ZFHX4: variants seen among roughly 807,000 people sequenced by gnomAD.
ZFHX4 encodes zinc finger homeobox protein 4.
In ZFHX4, 56 loss-of-function variants were observed where a neutral mutation model predicts 267.6. The observed-to-expected ratio is 0.21, with a 90% confidence interval of 0.17 to 0.26. The LOEUF (loss-of-function observed/expected upper bound fraction) is 0.26, where lower values mean the gene tolerates loss of function less well. Among genes scored for constraint, ZFHX4 ranks in the 10% least tolerant of loss-of-function variants. ZFHX4 has a pLI of 1.00. For missense variants in ZFHX4, 4,332 were observed against 4,420.0 expected (o/e 0.98, Z 0.56); for synonymous variants, 1,778 against 1,665.6 (o/e 1.07, Z -1.64).
Position 76,863,813 on chromosome 8 carries a change from A to G in ZFHX4, c.10099A>G (p.Lys3367Glu). 6.4e-7 allele frequency: 1 copy of G among 1,552,446 alleles called. No individual in the cohort carries two copies. Among genetic ancestry groups the G allele is most frequent in the Non-Finnish European group, 8.7e-7 (1 of 1,147,300 alleles). The change falls in exon 11 of 11, where the codon AAG becomes GAG. Residue 3367 changes from lysine to glutamate, a missense_variant. Lys to Glu is a moderately conservative substitution (Grantham distance 56). Coordinates refer to ENST00000651372, the MANE Select transcript of ZFHX4 (RefSeq NM_024721.5). ...PQNSNDASET[K>E]EDKSTATEST... ...AAACTCCAACGATGCTTCAGAAACA[A>G]AGGAAGACAAAAGTACTGCTACAGA...
At chr8:76,701,126 C>A (rs1808092067) in intron 1 of ZFHX4, among the ~76,000 whole-genome samples, 1 of 152,030 alleles carries the variant, frequency 6.6e-6, no homozygotes, top group Non-Finnish European at 1.5e-5. Context: ...ATCTAAATAA[C>A]TTTTTATCTA....
At chr8:76,844,730 G>A (rs1283408968) in intron 6 of ZFHX4, among the ~76,000 whole-genome samples, 2 of 152,008 alleles carry the variant, frequency 1.3e-5, no homozygotes, top group African/African-American at 2.4e-5. Context: ...GCCTTCCTGG[G>A]TTTTTCTGTA....
At chr8:76,697,328 C>T (rs79807346) in intron 1 of ZFHX4, among the ~76,000 whole-genome samples, 7,296 of 151,734 alleles carry the variant, frequency 0.048, 554 homozygotes, top group African/African-American at 0.16. Flanking sequence ...TTTACTAGTT[C>T]GGTATATCTA....
In ZFHX4 at chr8:76,865,379, A is replaced by T. The variant is rs1813000559; in HGVS notation, c.*814A>T. The T allele has an allele frequency of 6.6e-6, 1 of 152,562 alleles. No individual in the cohort carries two copies. Among genetic ancestry groups the T allele is most frequent in the Non-Finnish European group, 1.5e-5 (1 of 68,016 alleles). The allele number at this position is 152,562 out of a possible 1,614,324, so 9.5% of individuals were successfully genotyped here. ...ATTCTAGTTTTGATAGACTCTGAGGATTATGTGAACAGGACATTTTTCATT... is the reference window on the plus strand; with the variant it reads ...ATTCTAGTTTTGATAGACTCTGAGGTTTATGTGAACAGGACATTTTTCATT... On this transcript the variant is annotated 3_prime_UTR_variant, in exon 11 of 11. Transcript: ENST00000651372.
chr8:76,797,294 C>A (rs1811003911), intron 4 of ZFHX4, among the ~76,000 whole-genome samples: 1 of 152,150 alleles, frequency 6.6e-6, no homozygotes, highest in Non-Finnish European at 1.5e-5. Context: ...ATATTATTGA[C>A]CTTGCTGATA....
intron 4 of ZFHX4, among the ~76,000 whole-genome samples, chr8:76,829,003 C>G (rs1433441220): frequency 2.0e-5 from 3 of 152,058 alleles, no homozygotes; most frequent in Non-Finnish European, 4.4e-5. Context: ...GGAGGTTTTG[C>G]AGGCAAATAG....
chr8:76,726,948 GCT>G (rs1299110436), intron 3 of ZFHX4, among the ~76,000 whole-genome samples: 2 of 152,094 alleles, frequency 1.3e-5, no homozygotes, highest in Admixed American at 1.3e-4. Context: ...CTTAATTCCC[GCT>G]CAGGTCCAGA....
At chr8:76,738,655 C>T (rs1017636417) in intron 3 of ZFHX4, among the ~76,000 whole-genome samples, 5 of 134,912 alleles carry the variant, frequency 3.7e-5, no homozygotes, top group South Asian at 2.6e-4. Context: ...TCCTTCTTTC[C>T]TTCCTCCCTC....
chr8:76,758,899 CCA>C (rs1346421062), intron 3 of ZFHX4, among the ~76,000 whole-genome samples: 1 of 152,010 alleles, frequency 6.6e-6, no homozygotes, highest in African/African-American at 2.4e-5. Context: ...ACTGTTTTCC[CCA>C]GTCTTGAGGC....
intron 4 of ZFHX4, 136 bp from the exon 5 acceptor site, chr8:76,833,202 G>A: frequency 1.6e-6 from 1 of 636,972 alleles, no homozygotes; most frequent in Non-Finnish European, 2.8e-6. Flanking sequence ...GATATAATGT[G>A]TGCTGGAGAC....
intron 3 of ZFHX4, among the ~76,000 whole-genome samples, chr8:76,769,005 G>A (rs1019885435): frequency 1.3e-5 from 2 of 152,146 alleles, no homozygotes; most frequent in Non-Finnish European, 2.9e-5. Flanking sequence ...GGCTGAGGCA[G>A]GAGGATTGCT....
At chr8:76,724,342 G>A (rs73690869) in intron 3 of ZFHX4, among the ~76,000 whole-genome samples, 2,105 of 151,964 alleles carry the variant, frequency 0.014, 46 homozygotes, top group African/African-American at 0.048. Context: ...AAACTGTGTC[G>A]CCTGCTCTTC....
chr8:76,825,928 C>A (rs1811773150), intron 4 of ZFHX4, among the ~76,000 whole-genome samples: 1 of 152,070 alleles, frequency 6.6e-6, no homozygotes, highest in Admixed American at 6.6e-5. Context: ...TATCACTGAG[C>A]CAAAGAAATG....
At chr8:76,782,198 C>T (rs779854547) in intron 4 of ZFHX4, 1 of 436,196 alleles carries the variant, frequency 2.3e-6, no homozygotes, top group African/African-American at 2.1e-5. Context: ...CAGAGCCCAA[C>T]AGGCTCATCA....
At chr8:76,735,959 C>A (rs192466083) in intron 3 of ZFHX4, among the ~76,000 whole-genome samples, 117 of 151,862 alleles carry the variant, frequency 7.7e-4, no homozygotes, top group African/African-American at 2.8e-3. Flanking sequence ...ACTTTAAGAG[C>A]GGAATATAAT....
intron 3 of ZFHX4, among the ~76,000 whole-genome samples, chr8:76,717,783 A>C (rs1808616734): frequency 6.6e-6 from 1 of 151,708 alleles, no homozygotes; most frequent in Non-Finnish European, 1.5e-5. Flanking sequence ...TTTTTTGAGA[A>C]ACGAGGTTTC....
At chr8:76,724,570 C>A (rs560428705) in intron 3 of ZFHX4, among the ~76,000 whole-genome samples, 1 of 152,196 alleles carries the variant, frequency 6.6e-6, no homozygotes, top group African/African-American at 2.4e-5. Flanking sequence ...AAGAGCCATT[C>A]TTTTGTTGAA....
At chr8:76,815,453 C>T (rs1439383049) in intron 4 of ZFHX4, among the ~76,000 whole-genome samples, 3 of 152,060 alleles carry the variant, frequency 2.0e-5, no homozygotes, top group South Asian at 2.1e-4. Flanking sequence ...TTGCAGTATC[C>T]TCACATGGTG....
At chr8:76,692,063 C>T (rs758694692) in intron 1 of ZFHX4, among the ~76,000 whole-genome samples, 59 of 152,108 alleles carry the variant, frequency 3.9e-4, no homozygotes, top group Non-Finnish European at 7.4e-4. Flanking sequence ...TGCTCCTCCA[C>T]ATCTTTATCT....
Sources: gnomAD v4.1 joint callset for allele counts (sites outside exome capture counted in the v4.1 genomes callset) on GRCh38, gnomAD v4.1.1 for gene constraint, MANE v1.5 for transcripts, NCBI Gene and HGNC (gene_info 2026-07-23, HGNC 2026-07-21) for gene names.